RAPGEF4: variants seen among roughly 807,000 people sequenced by gnomAD.
The protein encoded by RAPGEF4 is RAP guanine-nucleotide-exchange factor (GEF) 4.
RAPGEF4 carries 66 observed loss-of-function variants against 147.9 expected under a neutral mutation model. That is an observed-to-expected ratio of 0.45 (90% CI 0.37 to 0.55). The LOEUF is 0.55. RAPGEF4 is among the 20% of genes least tolerant of loss of function. RAPGEF4 has a pLI of 0.00. For missense variants in RAPGEF4, 1,071 were observed against 1,257.3 expected (o/e 0.85, Z 2.24); for synonymous variants, 419 against 442.7 (o/e 0.95, Z 0.67).
intron 4 of RAPGEF4, among the ~76,000 whole-genome samples, chr2:172,824,515 A>G (rs1439934529): frequency 2.6e-5 from 4 of 152,192 alleles, no homozygotes; most frequent in Non-Finnish European, 5.9e-5. Flanking sequence ...CTTCTCTTCT[A>G]TAGACATTCT....
chr2:172,830,018 G>A, intron 4 of RAPGEF4, among the ~76,000 whole-genome samples: 1 of 151,864 alleles, frequency 6.6e-6, no homozygotes. Flanking sequence ...TATAAATTAT[G>A]ATTAACATAT....
At chr2:172,804,992 G>T (rs959430383) in intron 3 of RAPGEF4, among the ~76,000 whole-genome samples, 1 of 152,190 alleles carries the variant, frequency 6.6e-6, no homozygotes, top group Non-Finnish European at 1.5e-5. Context: ...GGAGGCGTGA[G>T]TTGCAGGCTG....
At chr2:172,905,132 A>G (rs111572058) in intron 4 of RAPGEF4, among the ~76,000 whole-genome samples, 3 of 152,164 alleles carry the variant, frequency 2.0e-5, no homozygotes, top group African/African-American at 7.2e-5. Flanking sequence ...CCTCAGCCTC[A>G]GATTCAATAT....
intron 26 of RAPGEF4, among the ~76,000 whole-genome samples, chr2:173,032,568 G>A (rs562850340): frequency 6.6e-5 from 10 of 152,084 alleles, no homozygotes; most frequent in African/African-American, 1.7e-4. Context: ...GCATAACTTG[G>A]TGATCTGGAT....
intron 8 of RAPGEF4, 173 bp from the exon 9 acceptor site, chr2:172,965,389 G>C: frequency 6.8e-6 from 5 of 735,320 alleles, no homozygotes; most frequent in Non-Finnish European, 1.1e-5. Flanking sequence ...TTTTTGGCTT[G>C]TATTAGCATT....
At chr2:172,929,931 A>G (rs1020895909) in intron 6 of RAPGEF4, among the ~76,000 whole-genome samples, 3 of 152,190 alleles carry the variant, frequency 2.0e-5, no homozygotes, top group African/African-American at 4.8e-5. Flanking sequence ...TTCCTCATCT[A>G]CAGAAGGAGA....
At chr2:172,793,702 A>T (rs1331960658) in intron 1 of RAPGEF4, among the ~76,000 whole-genome samples, 1 of 152,224 alleles carries the variant, frequency 6.6e-6, no homozygotes, top group Non-Finnish European at 1.5e-5. Context: ...AGAAAAAAAT[A>T]GTTTATGTAG....
chr2:172,883,391 A>G (rs908943372), intron 4 of RAPGEF4, among the ~76,000 whole-genome samples: 31 of 152,214 alleles, frequency 2.0e-4, no homozygotes, highest in Non-Finnish European at 2.8e-4. Flanking sequence ...TAATCCATTC[A>G]TGAGGTGGAG....
chr2:172,797,377 C>A, intron 2 of RAPGEF4, 148 bp from the exon 3 acceptor site: 3 of 587,020 alleles, frequency 5.1e-6, no homozygotes, highest in Non-Finnish European at 9.0e-6. Context: ...TAAAGAAAAA[C>A]ATGTTATGTT....
At chr2:173,033,067 G>A (rs919012092) in intron 26 of RAPGEF4, among the ~76,000 whole-genome samples, 1 of 152,230 alleles carries the variant, frequency 6.6e-6, no homozygotes, top group Admixed American at 6.5e-5. Flanking sequence ...ATTGAAAGAT[G>A]ATTCAGTATT....
chr2:172,921,030 G>T (rs1250938525), intron 5 of RAPGEF4, among the ~76,000 whole-genome samples: 7 of 152,088 alleles, frequency 4.6e-5, no homozygotes, highest in Admixed American at 2.0e-4. Flanking sequence ...TGTTTCCAAA[G>T]TCTCTTTCAT....
intron 2 of RAPGEF4, among the ~76,000 whole-genome samples, chr2:172,796,760 C>G (rs567136575): frequency 6.6e-6 from 1 of 152,092 alleles, no homozygotes; most frequent in East Asian, 1.9e-4. Context: ...TCCCACGAGC[C>G]GTCATGTGAT....
At chr2:172,867,281 C>G (rs2149797276) in intron 4 of RAPGEF4, among the ~76,000 whole-genome samples, 1 of 152,090 alleles carries the variant, frequency 6.6e-6, no homozygotes, top group African/African-American at 2.4e-5. Flanking sequence ...CCAAAAACTG[C>G]TTATTAAAAA....
intron 3 of RAPGEF4, among the ~76,000 whole-genome samples, chr2:172,808,506 A>G (rs1687715020): frequency 2.0e-5 from 3 of 152,216 alleles, no homozygotes; most frequent in South Asian, 4.1e-4. Context: ...GAGATTCTCT[A>G]TTATTTAAAT....
At chr2:172,770,842 T>C (rs980994609) in intron 1 of RAPGEF4, among the ~76,000 whole-genome samples, 1 of 152,204 alleles carries the variant, frequency 6.6e-6, no homozygotes, top group African/African-American at 2.4e-5. Context: ...TTCTGCAGCC[T>C]TTGGATGGCC....
chr2:172,985,420 G>A lies in RAPGEF4; in HGVS notation c.1090-13G>A. 6.2e-7 allele frequency: 1 copy of A among 1,613,830 alleles called. No homozygotes were observed. The highest frequency in any genetic ancestry group is 8.5e-7 in the Non-Finnish European group (1 of 1,179,918). Reference sequence around the variant, plus strand: ...AATGTGGCCTTTGCATGTTTCTTCTGTTTTTCTTCTAGGTGAAACGAGAGT... The same window carrying A: ...AATGTGGCCTTTGCATGTTTCTTCTATTTTTCTTCTAGGTGAAACGAGAGT... On this transcript the variant is annotated splice_polypyrimidine_tract_variant and intron_variant, in intron 11 of 30. Coordinates refer to ENST00000397081, the MANE Select transcript of RAPGEF4 (RefSeq NM_007023.4).
At chr2:172,974,944 A>G (rs936280116) in intron 10 of RAPGEF4, among the ~76,000 whole-genome samples, 1 of 152,144 alleles carries the variant, frequency 6.6e-6, no homozygotes, top group Non-Finnish European at 1.5e-5. Context: ...GCAGAATCCA[A>G]CGGGCCATAT....
At chr2:172,926,861 C>T (rs1685422348) in intron 6 of RAPGEF4, among the ~76,000 whole-genome samples, 2 of 152,136 alleles carry the variant, frequency 1.3e-5, no homozygotes, top group Non-Finnish European at 2.9e-5. Flanking sequence ...TGAGCTACCG[C>T]GCCCAGCCCG....
At chr2:172,988,944 A>G in intron 14 of RAPGEF4, 105 bp downstream of exon 14, 1 of 1,284,086 alleles carries the variant, frequency 7.8e-7, no homozygotes, top group Non-Finnish European at 1.1e-6. Context: ...GTGATGAATG[A>G]GTGCTCTAGG....
Sources: gnomAD v4.1 joint callset for allele counts (sites outside exome capture counted in the v4.1 genomes callset) on GRCh38, gnomAD v4.1.1 for gene constraint, MANE v1.5 for transcripts, NCBI Gene and HGNC (gene_info 2026-07-23, HGNC 2026-07-21) for gene names.